TASOR2: variants seen among roughly 807,000 people sequenced by gnomAD.
TASOR2 encodes the protein protein TASOR 2.
TASOR2 carries 84 observed loss-of-function variants against 199.5 expected under a neutral mutation model. That is an observed-to-expected ratio of 0.42 (90% CI 0.35 to 0.50). The LOEUF (loss-of-function observed/expected upper bound fraction) is 0.50, where lower values mean the gene tolerates loss of function less well. Ranked by LOEUF, TASOR2 falls within the 20% of genes least tolerant of loss-of-function variation. The pLI, the probability that TASOR2 is intolerant of heterozygous loss-of-function variation, is 0.02. For synonymous variants in TASOR2, 1,103 were observed against 1,046.6 expected (o/e 1.05, Z -1.04); for missense variants, 2,796 against 2,835.9 (o/e 0.99, Z 0.32).
rs555144434 is a variant in TASOR2 at position 5,687,547 on chromosome 10, C to T, written c.-288+2372C>T. ...TAAGAACCATTGAGGGGGCCAGGTA[C>T]GGTGGCCCACGCCTGTAATCCCAGC... On this transcript the variant is annotated intron_variant, in intron 1 of 20. Transcript: ENST00000328090. The surrounding 1 kb of genome is among the most constrained non-coding windows in gnomAD (Gnocchi z 4.8). Among the ~76,000 whole-genome samples, 4 of 152,224 alleles carry T rather than the reference C, an allele frequency of 2.6e-5. No individual in the cohort carries two copies. Among genetic ancestry groups the T allele is most frequent in the Non-Finnish European group, 5.9e-5 (4 of 68,048 alleles).
intron 2 of TASOR2, among the ~76,000 whole-genome samples, chr10:5,714,946 T>G (rs1463077486): frequency 2.6e-5 from 4 of 152,110 alleles, no homozygotes; most frequent in Non-Finnish European, 5.9e-5. Context: ...GAATTGAAGC[T>G]AAGACATTGT....
chr10:5,762,362 C>CT (rs1205481866), intron 19 of TASOR2, among the ~76,000 whole-genome samples, 170 bp from the exon 21 acceptor site: 5 of 151,664 alleles, frequency 3.3e-5, no homozygotes, highest in African/African-American at 1.2e-4. Flanking sequence ...ATGGAGGCAT[C>CT]TATTTCCAAA....
Position 5,687,209 on chromosome 10 carries a change from TTTAG to T in TASOR2, c.-288+2041_-288+2044del, listed in dbSNP as rs1213024968. 2.0e-5 allele frequency among the ~76,000 whole-genome samples: 3 copies of T among 152,300 alleles called. No individual in the cohort carries two copies. Among genetic ancestry groups the T allele is most frequent in the South Asian group, 2.1e-4 (1 of 4,830 alleles). ...AAAAATTAATAAAAGCTTTAGAAACTTTAGTTAGTTTGGAAACCTTTTGTGTGTT... is the reference window on the plus strand; with the variant it reads ...AAAAATTAATAAAAGCTTTAGAAACTTTAGTTTGGAAACCTTTTGTGTGTT... On this transcript the variant is annotated intron_variant, in intron 1 of 20. Coordinates refer to ENST00000328090, the Ensembl canonical transcript of TASOR2. This position sits in a 1 kb window ranked among gnomAD's most constrained non-coding sequence, Gnocchi z 4.8.
intron 1 of TASOR2, among the ~76,000 whole-genome samples, chr10:5,688,841 A>G (rs76221920): frequency 7.0e-6 from 1 of 141,864 alleles, no homozygotes; most frequent in African/African-American, 2.8e-5. Context: ...CCATCTTTAC[A>G]AAAAAAAAAA....
At position 5,740,111 on chromosome 10, in the gene TASOR2, C is replaced by G; in HGVS notation, c.1941C>G (p.Ser647Arg). Reference sequence around the variant, plus strand: ...TAGAATCTTCAGATGCAAGCCAAAGCTCTTCTGTTTCTGTGGAACATTCAT... The same window carrying G: ...TAGAATCTTCAGATGCAAGCCAAAGGTCTTCTGTTTCTGTGGAACATTCAT... The change falls in exon 13 of 21, where the codon AGC becomes AGG. Residue 647 changes from serine to arginine, a missense_variant. Around this residue, in one of 3 missense-constraint regions of TASOR2, gnomAD observed 847 missense variants for 887.4 expected, o/e 0.95. Coordinates refer to ENST00000328090, the Ensembl canonical transcript of TASOR2. The surrounding 1 kb of genome is among the most constrained non-coding windows in gnomAD (Gnocchi z 5.3). 1 of 1,614,108 alleles carries G rather than the reference C, an allele frequency of 6.2e-7. No individual in the cohort carries two copies.
intron 2 of TASOR2, chr10:5,714,724 G>T (rs1387206256): frequency 1.3e-5 from 2 of 152,240 alleles, no homozygotes; most frequent in East Asian, 3.8e-4. Context: ...TTATAGAGTT[G>T]TTGAGAGGAT....
chr10:5,741,481 C>G (rs1055551646), intron 13 of TASOR2, among the ~76,000 whole-genome samples: 4 of 152,172 alleles, frequency 2.6e-5, no homozygotes, highest in Non-Finnish European at 4.4e-5. Context: ...TTAGCTATTG[C>G]CCAACTCTGC....
intron 11 of TASOR2, among the ~76,000 whole-genome samples, chr10:5,733,771 T>C (rs1281801056): frequency 6.6e-6 from 1 of 152,216 alleles, no homozygotes; most frequent in Non-Finnish European, 1.5e-5. Flanking sequence ...CTTAACTGTT[T>C]TCCTGATTTA....
rs1833155218 is a variant in TASOR2 at position 5,719,991 on chromosome 10, T to C, written c.-99-553T>C. On this transcript the variant is annotated intron_variant, in intron 3 of 20. Coordinates refer to ENST00000328090, the Ensembl canonical transcript of TASOR2. This position sits in a 1 kb window ranked among gnomAD's most constrained non-coding sequence, Gnocchi z 4.1. ...TCTCTTAAATTTAGGGTGATTCGTA[T>C]ATTTCTTTGATATTGTGATAAAAAC... Among the ~76,000 whole-genome samples, 1 of 152,234 alleles carries C rather than the reference T, an allele frequency of 6.6e-6. No individual in the cohort carries two copies. Among genetic ancestry groups the C allele is most frequent in the African/African-American group, 2.4e-5 (1 of 41,470 alleles).
rs981613982 is a variant in TASOR2 at position 5,719,455 on chromosome 10, A to G, written c.-99-1089A>G. 2.0e-5 allele frequency among the ~76,000 whole-genome samples: 3 copies of G among 151,808 alleles called. No individual in the cohort carries two copies. The highest frequency in any genetic ancestry group is 4.4e-5 in the Non-Finnish European group (3 of 67,922). On this transcript the variant is annotated intron_variant, in intron 3 of 20. Transcript: ENST00000328090. The surrounding 1 kb of genome is among the most constrained non-coding windows in gnomAD (Gnocchi z 4.1). ...CCTCCCGGGTTCAAGCAATTTTCCT[A>G]CCTCAGCCTCCCAAGTGGCTGGGAC...
exon 15 of TASOR2, chr10:5,746,980 A>G (rs1292373085): frequency 1.2e-6 from 2 of 1,614,038 alleles, no homozygotes; most frequent in East Asian, 2.2e-5. Context: ...CCTTTCACAG[A>G]CTCAGAGTCT....
rs1255604827 is a variant in TASOR2 at position 5,724,615 on chromosome 10, T to A, written c.351+82T>A. 13 of 92,594 alleles carry A rather than the reference T, an allele frequency of 1.4e-4. No homozygotes were observed. The East Asian group carries it at 3.2e-3, about 23-fold the overall frequency. The allele number at this position is 92,594 out of a possible 1,614,324, so 5.7% of individuals were successfully genotyped here. On this transcript the variant is annotated intron_variant, in intron 8 of 20. Coordinates refer to ENST00000328090, the Ensembl canonical transcript of TASOR2. ...TAGTTGTGCCTAGATGGCACATATA[T>A]ATATATTATATATATATATAGATAG...
chr10:5,728,660 C>G (rs1834381502), intron 10 of TASOR2, among the ~76,000 whole-genome samples: 1 of 152,024 alleles, frequency 6.6e-6, no homozygotes, highest in South Asian at 2.1e-4. Context: ...AAGCAGAACG[C>G]TGTGCTTTCC....
At position 5,695,309 on chromosome 10, in the gene TASOR2, T is replaced by C. The variant is rs558814261; in HGVS notation, c.-288+10134T>C. Among the ~76,000 whole-genome samples, 3 of 152,340 alleles carry C rather than the reference T, an allele frequency of 2.0e-5. No homozygotes were observed. In the South Asian group the frequency reaches 6.2e-4, roughly 32 times the overall value. On this transcript the variant is annotated intron_variant, in intron 1 of 20. Transcript: ENST00000328090. ...TGAAGAAACTACACATATGTAATTA[T>C]AAATCATGCAAGAAAAGGACAGGAT... is the stretch of plus-strand genomic sequence containing the variant.
chr10:5,755,216 A>G (rs1161703080), intron 15 of TASOR2, among the ~76,000 whole-genome samples: 1 of 152,170 alleles, frequency 6.6e-6, no homozygotes, highest in East Asian at 1.9e-4. Context: ...ATCTCATAAG[A>G]ATTTTTTTGA....
rs1835755886 is a variant in TASOR2, at chr10:5,737,300, T to TC, written c.1447+1755dup. Reference sequence around the variant, plus strand: ...TTTTTTAGTTTTTTTGTTTTTTTTTTCAACTTAAGCATACCCTGAGATTCT... The same window carrying TC: ...TTTTTTAGTTTTTTTGTTTTTTTTTTCCAACTTAAGCATACCCTGAGATTCT... On this transcript the variant is annotated intron_variant, in intron 12 of 20. Coordinates refer to ENST00000328090, the Ensembl canonical transcript of TASOR2. The surrounding 1 kb of genome is among the most constrained non-coding windows in gnomAD (Gnocchi z 4.9). 6.6e-6 allele frequency among the ~76,000 whole-genome samples: 1 copy of TC among 152,058 alleles called. No individual in the cohort carries two copies. The highest frequency in any genetic ancestry group is 2.4e-5 in the African/African-American group (1 of 41,408).
At chr10:5,727,639 G>GA (rs796961213) in intron 10 of TASOR2, among the ~76,000 whole-genome samples, 22 of 152,196 alleles carry the variant, frequency 1.4e-4, no homozygotes, top group African/African-American at 4.8e-4. Context: ...CAATATGGGG[G>GA]AAAAATGACT....
chr10:5,689,611 AAAAC>A lies in TASOR2; in HGVS notation c.-288+4439_-288+4442del. Among the ~76,000 whole-genome samples, 1 of 152,210 alleles carries A rather than the reference AAAAC, an allele frequency of 6.6e-6. No homozygotes were observed. Among genetic ancestry groups the A allele is most frequent in the East Asian group, 1.9e-4 (1 of 5,202 alleles). On this transcript the variant is annotated intron_variant, in intron 1 of 20. Transcript: ENST00000328090. The surrounding 1 kb of genome is among the most constrained non-coding windows in gnomAD (Gnocchi z 4.1). The stretch of plus-strand genomic sequence containing the variant: ...CAAGACTCCATCTCAAAAAAACAAA[AAAAC>A]AAGCATGTATGTATCTTGCTTGGGA...
chr10:5,696,181 C>T (rs1261409018), intron 1 of TASOR2, among the ~76,000 whole-genome samples: 1 of 152,128 alleles, frequency 6.6e-6, no homozygotes, highest in Non-Finnish European at 1.5e-5. Context: ...GCTTACGTGC[C>T]CCTCAACAAA....
Sources: allele counts gnomAD v4.1 joint callset (sites outside exome capture counted in the v4.1 genomes callset), GRCh38; gene constraint gnomAD v4.1.1; regional missense constraint gnomAD v4.1.1; non-coding constraint Gnocchi (gnomAD v3.1); transcripts MANE v1.5; gene names NCBI Gene and HGNC (gene_info 2026-07-23, HGNC 2026-07-21).